Variants in MTSS1 observed in about 807,000 individuals in gnomAD.
MTSS1 encodes the protein MTSS I-BAR domain containing 1, also known as protein MTSS 1.
A neutral mutation model predicts 79.0 loss-of-function variants in MTSS1; 18 were observed. The ratio of observed to expected loss-of-function variants is 0.23; its 90% CI spans 0.16 to 0.34. The LOEUF (loss-of-function observed/expected upper bound fraction) is 0.34. Among genes scored for constraint, MTSS1 ranks in the 10% least tolerant of loss-of-function variants. MTSS1 has a pLI of 1.00. For synonymous variants in MTSS1, 341 were observed against 368.6 expected, an observed-to-expected ratio of 0.93 and a Z score of 0.86; for missense variants, 815 against 986.2, an observed-to-expected ratio of 0.83 and a Z score of 2.33.
intron 3 of MTSS1, 56 bp from the exon 4 acceptor site, chr8:124,591,291 G>T: frequency 7.1e-7 from 1 of 1,413,706 alleles, no homozygotes; most frequent in South Asian, 1.2e-5. Context: ...GGATCATGGA[G>T]GTCTTTAGAG....
intron 7 of MTSS1, chr8:124,567,850 C>CCT: frequency 6.8e-7 from 1 of 1,480,570 alleles, no homozygotes; most frequent in Admixed American, 2.5e-5. Flanking sequence ...GCTTCCAGAA[C>CCT]GCCTGCAGTG....
intron 1 of MTSS1, among the ~76,000 whole-genome samples, chr8:124,705,100 C>A (rs1830205052): frequency 6.6e-6 from 1 of 152,100 alleles, no homozygotes; most frequent in South Asian, 2.1e-4. Context: ...GCCCACCAAC[C>A]AAGAGGTGAC....
chr8:124,702,173 C>T (rs758713655), intron 2 of MTSS1, among the ~76,000 whole-genome samples: 24 of 152,164 alleles, frequency 1.6e-4, no homozygotes, highest in Non-Finnish European at 3.4e-4. Context: ...GACTGCCAGA[C>T]GGTTAAATGA....
intron 2 of MTSS1, among the ~76,000 whole-genome samples, chr8:124,700,323 A>G (rs1286715756): frequency 6.6e-6 from 1 of 152,194 alleles, no homozygotes; most frequent in Admixed American, 6.5e-5. Context: ...GGAATCTGGT[A>G]GAAAGATCAT....
chr8:124,672,058 G>A, intron 3 of MTSS1, among the ~76,000 whole-genome samples: 1 of 152,142 alleles, frequency 6.6e-6, no homozygotes, highest in African/African-American at 2.4e-5. Flanking sequence ...GATATCAGTT[G>A]GAATGCAGCT....
In MTSS1 at chr8:124,728,424, G is replaced by GGCC. The variant is rs1369354962; in HGVS notation, c.-472_-470dup. 6.6e-6 allele frequency: 1 copy of GGCC among 151,888 alleles called. No individual in the cohort carries two copies. The highest frequency in any genetic ancestry group is 1.5e-5 in the Non-Finnish European group (1 of 67,984). The allele number at this position is 151,888 out of a possible 1,614,324, so 9.4% of individuals were successfully genotyped here. A position where few individuals can be genotyped will look rare whatever the true frequency, so the allele number is the denominator to read the frequency against. On this transcript the variant is annotated 5_prime_UTR_variant, in exon 1 of 14. Transcript: ENST00000518547. The surrounding 1 kb of genome is among the most constrained non-coding windows in gnomAD (Gnocchi z 6.1). ...GTCCGGATCTGTTGCTCGCAGCTGCGGCCGCCGCCTCCTTTTCACTCCTGC... is the reference window on the plus strand; with the variant it reads ...GTCCGGATCTGTTGCTCGCAGCTGCGGCCGCCGCCGCCTCCTTTTCACTCCTGC...
intron 2 of MTSS1, 47 bp downstream of exon 2, chr8:124,704,083 G>A: frequency 6.4e-7 from 1 of 1,553,420 alleles, no homozygotes; most frequent in Non-Finnish European, 8.9e-7. Context: ...CTCCATCCTT[G>A]TCTGAGGATG....
At chr8:124,619,766 G>T (rs1713498814) in intron 3 of MTSS1, among the ~76,000 whole-genome samples, 1 of 152,142 alleles carries the variant, frequency 6.6e-6, no homozygotes, top group Non-Finnish European at 1.5e-5. Flanking sequence ...TCTAGGTCAT[G>T]TGGCCCAACA....
intron 3 of MTSS1, among the ~76,000 whole-genome samples, chr8:124,599,096 G>T (rs112600580): frequency 3.3e-5 from 5 of 152,272 alleles, no homozygotes; most frequent in Non-Finnish European, 5.9e-5. Flanking sequence ...TGCCCTTGCC[G>T]CCTGCTGATG....
At chr8:124,674,179 G>A (rs760857457) in intron 3 of MTSS1, among the ~76,000 whole-genome samples, 2 of 152,022 alleles carry the variant, frequency 1.3e-5, no homozygotes, top group Admixed American at 1.3e-4. Flanking sequence ...CGCCCAGGCT[G>A]GAGTGCAGTG....
chr8:124,652,324 C>T (rs965407844), intron 3 of MTSS1, among the ~76,000 whole-genome samples: 5 of 152,070 alleles, frequency 3.3e-5, no homozygotes, highest in African/African-American at 1.2e-4. Context: ...CAGGTGCATG[C>T]CACCATGCCT....
At chr8:124,572,230 A>G (rs1271428086) in intron 6 of MTSS1, among the ~76,000 whole-genome samples, 1 of 152,180 alleles carries the variant, frequency 6.6e-6, no homozygotes, top group African/African-American at 2.4e-5. Flanking sequence ...AGGACTCTCA[A>G]ATTGTAGCAT....
At chr8:124,611,013 C>T (rs1835695278) in intron 3 of MTSS1, among the ~76,000 whole-genome samples, 1 of 151,846 alleles carries the variant, frequency 6.6e-6, no homozygotes, top group Admixed American at 6.6e-5. Flanking sequence ...TGGAAGGCTG[C>T]ATGGGGAAAC....
At chr8:124,677,683 TTTTC>T (rs1297231317) in intron 3 of MTSS1, among the ~76,000 whole-genome samples, 1 of 152,204 alleles carries the variant, frequency 6.6e-6, no homozygotes, top group Admixed American at 6.5e-5. Flanking sequence ...TATCTGGTTT[TTTTC>T]TTTATTTATA....
chr8:124,655,694 T>C (rs1280900496), intron 3 of MTSS1, among the ~76,000 whole-genome samples: 1 of 152,118 alleles, frequency 6.6e-6, no homozygotes, highest in East Asian at 1.9e-4. Flanking sequence ...GTGGCACATA[T>C]AAAGCACTGT....
intron 13 of MTSS1, among the ~76,000 whole-genome samples, chr8:124,554,185 C>G (rs1252344174): frequency 6.6e-6 from 1 of 152,246 alleles, no homozygotes; most frequent in Non-Finnish European, 1.5e-5. Flanking sequence ...AAGACAGTTT[C>G]CATCAGTGTC....
chr8:124,662,563 G>A (rs1822254863), intron 3 of MTSS1, among the ~76,000 whole-genome samples: 1 of 152,128 alleles, frequency 6.6e-6, no homozygotes, highest in South Asian at 2.1e-4. Context: ...TCTGCCCCAG[G>A]CCTCCTGACG....
At chr8:124,624,482 G>A (rs979238665) in intron 3 of MTSS1, among the ~76,000 whole-genome samples, 3 of 152,180 alleles carry the variant, frequency 2.0e-5, no homozygotes, top group Non-Finnish European at 4.4e-5. Context: ...ATGGGTACAG[G>A]GGAATCACAG....
chr8:124,568,863 G>A, intron 6 of MTSS1: 1 of 1,427,220 alleles, frequency 7.0e-7, no homozygotes, highest in Non-Finnish European at 9.1e-7. Flanking sequence ...GAGCCAGACA[G>A]CATTCTTTCC....
Sources: allele counts gnomAD v4.1 joint callset (sites outside exome capture counted in the v4.1 genomes callset), GRCh38; gene constraint gnomAD v4.1.1; non-coding constraint Gnocchi (gnomAD v3.1); transcripts MANE v1.5; gene names NCBI Gene and HGNC (gene_info 2026-07-23, HGNC 2026-07-21).